The following PARK7 variants were observed in gnomAD, a reference collection of about 807,000 sequenced individuals.
PARK7 encodes the protein Parkinson disease protein 7.
A neutral mutation model predicts 20.5 loss-of-function variants in PARK7; 14 were observed. The ratio of observed to expected loss-of-function variants is 0.68; its 90% CI spans 0.45 to 1.07. The LOEUF (loss-of-function observed/expected upper bound fraction) is 1.07. PARK7 is among the 50% of genes least tolerant of loss of function. PARK7 has a pLI of 0.00. For synonymous variants in PARK7, 98 were observed against 84.3 expected (o/e 1.16, Z -0.89); for missense variants, 234 against 238.1 (o/e 0.98, Z 0.11).
chr1:7,970,244 G>T (rs143244349), intron 4 of PARK7, among the ~76,000 whole-genome samples: 1 of 152,120 alleles, frequency 6.6e-6, no homozygotes, highest in Non-Finnish European at 1.5e-5. Context: ...TGGTGGGACC[G>T]TTATGAACAG....
intron 3 of PARK7, 64 bp downstream of exon 3, chr1:7,965,489 G>C: frequency 6.9e-7 from 1 of 1,441,548 alleles, no homozygotes; most frequent in Non-Finnish European, 9.8e-7. Context: ...AATGTCTTAA[G>C]AGTGTTGTTA....
In PARK7 at chr1:7,965,440, C is replaced by T; in HGVS notation, c.192+15C>T. The T allele has an allele frequency of 1.2e-6, 2 of 1,603,810 alleles. No homozygotes were observed. Among genetic ancestry groups the T allele is most frequent in the Non-Finnish European group, 1.7e-6 (2 of 1,170,600 alleles). ...CAAAAAAAGAGGTTTGTAATCCATA[C>T]ATGGAGTTATTCCTTCATATGGCTT... On this transcript the variant is annotated intron_variant, in intron 3 of 6. Coordinates refer to ENST00000338639, the MANE Select transcript of PARK7 (RefSeq NM_007262.5).
intron 4 of PARK7, 46 bp downstream of exon 4, chr1:7,969,450 G>GCCCC: frequency 1.4e-6 from 1 of 740,564 alleles, no homozygotes; most frequent in Non-Finnish European, 2.4e-6. Flanking sequence ...TGGGGGGGGG[G>GCCCC]AAAAACTAAA....
chr1:7,972,030 A>G (rs1640476520), intron 5 of PARK7: 1 of 152,268 alleles, frequency 6.6e-6, no homozygotes, highest in African/African-American at 2.4e-5. Context: ...TCAACATCAA[A>G]ACATGTTGCT....
At chr1:7,974,681 T>A (rs1447315031) in intron 5 of PARK7, among the ~76,000 whole-genome samples, 1 of 151,468 alleles carries the variant, frequency 6.6e-6, no homozygotes, top group African/African-American at 2.4e-5. Flanking sequence ...ACACTAGCAG[T>A]GTGTTTATAC....
At chr1:7,978,356 G>A (rs1295734745) in intron 6 of PARK7, among the ~76,000 whole-genome samples, 1 of 149,142 alleles carries the variant, frequency 6.7e-6, no homozygotes, top group Non-Finnish European at 1.5e-5. Context: ...GATTACAGGT[G>A]TTAGCCACCG....
chr1:7,965,002 G>C (rs985276362), intron 2 of PARK7, among the ~76,000 whole-genome samples: 1 of 152,164 alleles, frequency 6.6e-6, no homozygotes, highest in Non-Finnish European at 1.5e-5. Context: ...AATATATTTA[G>C]CCAGTGTATT....
At position 7,969,374 on chromosome 1, in the gene PARK7, A is replaced by G. The variant is rs1640402910; in HGVS notation, c.222A>G (p.Gly74=). The G allele has an allele frequency of 6.2e-7, 1 of 1,610,420 alleles. No individual in the cohort carries two copies. Among genetic ancestry groups the G allele is most frequent in the Non-Finnish European group, 8.5e-7 (1 of 1,177,652 alleles). ...CATATGATGTGGTGGTTCTACCAGG[A>G]GGTAATCTGGGCGCACAGAATTTAT... ...EGPYDVVVLP[G]GNLGAQNLSE... Residue 74 remains glycine (G), a synonymous_variant, in exon 4 of 7, where the codon GGA becomes GGG. Coordinates refer to ENST00000338639, the MANE Select transcript of PARK7 (RefSeq NM_007262.5).
At chr1:7,977,610 T>A (rs533372135) in intron 5 of PARK7, 42 bp from the exon 6 acceptor site, 16 of 1,566,572 alleles carry the variant, frequency 1.0e-5, no homozygotes, top group Non-Finnish European at 1.3e-5. Context: ...AAACATGGGC[T>A]TTTCTATATC....
intron 5 of PARK7, among the ~76,000 whole-genome samples, chr1:7,974,943 C>T (rs1269502895): frequency 2.0e-5 from 3 of 151,238 alleles, no homozygotes; most frequent in African/African-American, 7.3e-5. Flanking sequence ...GCAACCTCCA[C>T]CTCCCAGGTT....
At chr1:7,964,459 A>G (rs1343119799) in intron 2 of PARK7, among the ~76,000 whole-genome samples, 1 of 152,180 alleles carries the variant, frequency 6.6e-6, no homozygotes, top group Non-Finnish European at 1.5e-5. Flanking sequence ...AAGTTTATCC[A>G]CTTAAAATTG....
intron 5 of PARK7, among the ~76,000 whole-genome samples, chr1:7,974,292 C>G (rs944189851): frequency 6.6e-6 from 1 of 151,422 alleles, no homozygotes; most frequent in Non-Finnish European, 1.5e-5. Context: ...CACCACTGCA[C>G]TTGAGCCTAA....
At chr1:7,975,308 G>T (rs1640555294) in intron 5 of PARK7, among the ~76,000 whole-genome samples, 1 of 152,188 alleles carries the variant, frequency 6.6e-6, no homozygotes, top group Admixed American at 6.6e-5. Flanking sequence ...GAGTAGGGGA[G>T]GGGGAGGAAG....
At chr1:7,980,609 C>T (rs1207216211) in intron 6 of PARK7, among the ~76,000 whole-genome samples, 1 of 152,164 alleles carries the variant, frequency 6.6e-6, no homozygotes, top group African/African-American at 2.4e-5. Context: ...TGGCTTCCTG[C>T]CCCTCCCCTG....
rs762645646 is a variant in PARK7, at chr1:7,985,101, C to T, written c.*47C>T. 5.0e-6 allele frequency: 8 copies of T among 1,598,854 alleles called. 1 individual carries two copies. In the South Asian group the frequency reaches 8.9e-5, roughly 18 times the overall value. ...CTTAGAGAAACAGGCCGTTAGGAATCCATTCTCACTGTGTTCGCTCTAAAC... is the reference window on the plus strand; with the variant it reads ...CTTAGAGAAACAGGCCGTTAGGAATTCATTCTCACTGTGTTCGCTCTAAAC... On this transcript the variant is annotated 3_prime_UTR_variant, in exon 7 of 7. Transcript: ENST00000338639.
Position 7,984,776 on chromosome 1 carries a change from G to A in PARK7, c.410-118G>A. ...CTTGGAGTGCCTAGTAAATGTTTTTGAATGGTTAGCTACAGTGTTGGGTTT... is the reference window on the plus strand; with the variant it reads ...CTTGGAGTGCCTAGTAAATGTTTTTAAATGGTTAGCTACAGTGTTGGGTTT... On this transcript the variant is annotated intron_variant, in intron 6 of 6. Transcript: ENST00000338639. The surrounding 1 kb of genome is among the most constrained non-coding windows in gnomAD (Gnocchi z 4.3). 3 of 1,276,354 alleles carry A rather than the reference G, an allele frequency of 2.4e-6. No homozygotes were observed. Among genetic ancestry groups the A allele is most frequent in the Non-Finnish European group, 3.4e-6 (3 of 888,318 alleles). 79.1% of individuals were successfully genotyped at this position (1,276,354 alleles called of 1,614,324 possible).
intron 3 of PARK7, among the ~76,000 whole-genome samples, chr1:7,966,715 C>T (rs896083886): frequency 6.6e-6 from 1 of 151,952 alleles, no homozygotes; most frequent in African/African-American, 2.4e-5. Flanking sequence ...GACCCTGTCT[C>T]AAAAATAATA....
Position 7,970,973 on chromosome 1 carries a change from A to AGG in PARK7, c.322+13_322+14dup. 1 of 1,614,110 alleles carries AGG rather than the reference A, an allele frequency of 6.2e-7. No individual in the cohort carries two copies. Among genetic ancestry groups the AGG allele is most frequent in the Non-Finnish European group, 8.5e-7 (1 of 1,179,964 alleles). On this transcript the variant is annotated intron_variant, in intron 5 of 6. Transcript: ENST00000338639. ...GCCGCCATCTGTGCAGGTGACGTGC[A>AGG]GGGGCAGCCTGTGTTGCAGCGTCAT...
intron 5 of PARK7, among the ~76,000 whole-genome samples, chr1:7,972,711 C>T (rs1432218762): frequency 6.6e-6 from 1 of 152,082 alleles, no homozygotes; most frequent in Non-Finnish European, 1.5e-5. Context: ...CAAAACCAGC[C>T]TGGCAAACGT....
Sources: allele counts gnomAD v4.1 joint callset (sites outside exome capture counted in the v4.1 genomes callset), GRCh38; gene constraint gnomAD v4.1.1; non-coding constraint Gnocchi (gnomAD v3.1); transcripts MANE v1.5; gene names NCBI Gene and HGNC (gene_info 2026-07-23, HGNC 2026-07-21).